Variants in STAG1 observed in about 807,000 individuals in gnomAD.
The protein encoded by STAG1 is STAG1 cohesin complex component.
In STAG1, 26 loss-of-function variants were observed where a neutral mutation model predicts 170.9. That is an observed-to-expected ratio of 0.15 (90% CI 0.11 to 0.21). The LOEUF is 0.21. STAG1 is among the 10% of genes least tolerant of loss of function. STAG1 has a pLI of 1.00. For missense variants in STAG1, 964 were observed against 1,509.5 expected (o/e 0.64, Z 5.99); for synonymous variants, 514 against 497.7 (o/e 1.03, Z -0.44).
Position 136,521,395 on chromosome 3 carries a change from G to C in STAG1, c.494C>G (p.Thr165Ser). 1.9e-6 allele frequency: 3 copies of C among 1,613,500 alleles called. No individual in the cohort carries two copies. The highest frequency in any genetic ancestry group is 2.5e-6 in the Non-Finnish European group (3 of 1,179,622). Residue 165 changes from threonine to serine, a missense_variant, in exon 7 of 34, where the codon ACC becomes AGC. Around this residue, in one of 11 missense-constraint regions of STAG1, gnomAD observed 33 missense variants for 86.0 expected, o/e 0.38. Coordinates refer to ENST00000383202, the MANE Select transcript of STAG1 (RefSeq NM_005862.3). ...FDEDSGDYPL[T>S]MPGPQWKKFR... ...TTTTTTCCACTGAGGTCCAGGCATG[G>C]TAAGAGGATAATCACCACTGTCCTA...
chr3:136,489,178 A>G (rs1381726044), intron 9 of STAG1, among the ~76,000 whole-genome samples: 1 of 152,246 alleles, frequency 6.6e-6, no homozygotes, highest in Non-Finnish European at 1.5e-5. Flanking sequence ...ACTCTATTTT[A>G]CAGCATAAAA....
intron 9 of STAG1, among the ~76,000 whole-genome samples, chr3:136,485,887 C>T (rs193200257): frequency 1.3e-5 from 2 of 152,248 alleles, no homozygotes; most frequent in East Asian, 3.9e-4. Context: ...TTTCTATAAA[C>T]AATTATAAAT....
chr3:136,506,278 T>C (rs542970726), intron 7 of STAG1, among the ~76,000 whole-genome samples: 2 of 152,260 alleles, frequency 1.3e-5, no homozygotes, highest in African/African-American at 4.8e-5. Context: ...GAAATGATGC[T>C]GGCTTAGATT....
chr3:136,635,571 A>G (rs1244901453), intron 1 of STAG1, among the ~76,000 whole-genome samples: 1 of 152,228 alleles, frequency 6.6e-6, no homozygotes, highest in Non-Finnish European at 1.5e-5. Context: ...CTAGGATGCT[A>G]TTCTCAACCA....
chr3:136,724,535 C>A (rs1933545860), intron 1 of STAG1, among the ~76,000 whole-genome samples: 1 of 151,542 alleles, frequency 6.6e-6, no homozygotes. Context: ...TGCTGACCCT[C>A]CCTCCACTAT....
intron 1 of STAG1, among the ~76,000 whole-genome samples, chr3:136,674,154 A>AGAGGGAGGGAGGGAGG (rs1559943419): frequency 7.6e-5 from 1 of 13,104 alleles, no homozygotes; most frequent in African/African-American, 3.2e-4. Context: ...AGGGAGGGAG[A>AGAGGGAGGGAGGGAGG]GAGGGAGGGA....
At chr3:136,637,631 T>C (rs1940623209) in intron 1 of STAG1, among the ~76,000 whole-genome samples, 1 of 152,212 alleles carries the variant, frequency 6.6e-6, no homozygotes, top group African/African-American at 2.4e-5. Context: ...TCATACCACG[T>C]ATTCTACTTT....
chr3:136,659,377 C>G (rs1334324699), intron 1 of STAG1, among the ~76,000 whole-genome samples: 1 of 152,158 alleles, frequency 6.6e-6, no homozygotes. Context: ...TCCTTCAAAA[C>G]CCTCTTTCAT....
At chr3:136,554,893 A>T (rs1275167277) in intron 5 of STAG1, among the ~76,000 whole-genome samples, 1 of 152,000 alleles carries the variant, frequency 6.6e-6, no homozygotes, top group Non-Finnish European at 1.5e-5. Flanking sequence ...CTCAAAAAAT[A>T]ACCGAAAAAA....
chr3:136,629,333 T>C (rs1940232561), intron 2 of STAG1, among the ~76,000 whole-genome samples: 1 of 152,098 alleles, frequency 6.6e-6, no homozygotes, highest in South Asian at 2.1e-4. Flanking sequence ...TAAGTACTTT[T>C]CTGGAGGCAT....
intron 10 of STAG1, among the ~76,000 whole-genome samples, chr3:136,476,768 T>C (rs888422952): frequency 2.0e-5 from 3 of 152,156 alleles, no homozygotes; most frequent in African/African-American, 7.2e-5. Context: ...TCCAATAACT[T>C]ATCACTCCTA....
At chr3:136,434,588 A>C (rs973588077) in intron 15 of STAG1, among the ~76,000 whole-genome samples, 4 of 152,024 alleles carry the variant, frequency 2.6e-5, no homozygotes, top group Non-Finnish European at 5.9e-5. Flanking sequence ...TGATGCAAGT[A>C]TTTTCTCCCA....
At chr3:136,392,646 G>A (rs979698981) in intron 22 of STAG1, among the ~76,000 whole-genome samples, 1 of 151,686 alleles carries the variant, frequency 6.6e-6, no homozygotes, top group Non-Finnish European at 1.5e-5. Context: ...TGCGCCTGTA[G>A]TCCCAGCTAC....
chr3:136,417,151 G>A (rs2087799044), intron 21 of STAG1, among the ~76,000 whole-genome samples: 1 of 151,970 alleles, frequency 6.6e-6, no homozygotes, highest in Non-Finnish European at 1.5e-5. Flanking sequence ...CCCAGCCCAT[G>A]ATTAATTTTT....
At chr3:136,658,314 G>C (rs1941462349) in intron 1 of STAG1, among the ~76,000 whole-genome samples, 1 of 151,920 alleles carries the variant, frequency 6.6e-6, no homozygotes, top group African/African-American at 2.4e-5. Context: ...AAAGTAATGA[G>C]GGCATCCCAC....
intron 19 of STAG1, among the ~76,000 whole-genome samples, chr3:136,422,153 CAAAAAAAA>C (rs11312063): frequency 3.1e-5 from 3 of 96,524 alleles, no homozygotes; most frequent in East Asian, 5.9e-4. Flanking sequence ...GACTCTGCCT[CAAAAAAAA>C]AAAAAAAAAA....
At chr3:136,488,431 A>G (rs2090059446) in intron 9 of STAG1, among the ~76,000 whole-genome samples, 1 of 152,168 alleles carries the variant, frequency 6.6e-6, no homozygotes, top group Non-Finnish European at 1.5e-5. Context: ...CCTGAGATAA[A>G]TATTTGACAC....
At chr3:136,682,968 T>C (rs995318011) in intron 1 of STAG1, among the ~76,000 whole-genome samples, 2 of 152,214 alleles carry the variant, frequency 1.3e-5, no homozygotes. Context: ...TGCTACAGTA[T>C]GGATGAACCT....
chr3:136,420,036 G>A (rs910528882), intron 20 of STAG1, among the ~76,000 whole-genome samples: 10 of 151,782 alleles, frequency 6.6e-5, no homozygotes, highest in Non-Finnish European at 1.5e-4. Context: ...ATTGCTTGAG[G>A]TCAGGAGTTC....
Sources: gnomAD v4.1 joint callset for allele counts (sites outside exome capture counted in the v4.1 genomes callset) on GRCh38, gnomAD v4.1.1 for gene constraint, gnomAD v4.1.1 regional missense constraint, MANE v1.5 for transcripts, NCBI Gene and HGNC (gene_info 2026-07-23, HGNC 2026-07-21) for gene names.